The following ARHGEF7 variants were observed in gnomAD, a reference collection of about 807,000 sequenced individuals.
ARHGEF7 encodes Rho guanine nucleotide exchange factor 7.
Under a neutral mutation model 109.8 loss-of-function variants are expected in ARHGEF7, and 33 were observed. That is an observed-to-expected ratio of 0.30 (90% CI 0.23 to 0.40). The LOEUF (loss-of-function observed/expected upper bound fraction) is 0.40. Ranked by LOEUF, ARHGEF7 falls within the 10% of genes least tolerant of loss-of-function variation. The pLI is 1.00. For missense variants in ARHGEF7, 938 were observed against 1,098.5 expected, an observed-to-expected ratio of 0.85 and a Z score of 2.07; for synonymous variants, 458 against 424.6, an observed-to-expected ratio of 1.08 and a Z score of -0.97.
At chr13:111,165,747 G>C (rs1455487264) in intron 2 of ARHGEF7, among the ~76,000 whole-genome samples, 2 of 152,156 alleles carry the variant, frequency 1.3e-5, no homozygotes, top group African/African-American at 4.8e-5. Flanking sequence ...CACAAGAGAG[G>C]GATTCAGTGG....
In ARHGEF7 at chr13:111,285,068, C is replaced by T. The variant is rs1342723466; in HGVS notation, c.1951-1079C>T. Among the ~76,000 whole-genome samples, 3 of 152,298 alleles carry T rather than the reference C, an allele frequency of 2.0e-5. No individual in the cohort carries two copies. The East Asian group carries it at 5.8e-4, about 29-fold the overall frequency. On this transcript the variant is annotated intron_variant, in intron 16 of 21. Coordinates refer to ENST00000646102, the MANE Select transcript of ARHGEF7 (RefSeq NM_001354046.2). ...GCTATTTTAGATTCAGAGTTTGTTA[C>T]GTGGCTGTATTGGGTGATGCTGGGG...
At chr13:111,232,128 T>C (rs2086143419) in intron 5 of ARHGEF7, among the ~76,000 whole-genome samples, 1 of 152,028 alleles carries the variant, frequency 6.6e-6, no homozygotes. Context: ...GGAACTATGA[T>C]ATACACACAA....
chr13:111,205,006 C>G (rs1050377387), intron 2 of ARHGEF7, among the ~76,000 whole-genome samples: 1 of 152,194 alleles, frequency 6.6e-6, no homozygotes, highest in Admixed American at 6.5e-5. Context: ...CCCCCCACCC[C>G]GCCCCGCCCC....
intron 2 of ARHGEF7, among the ~76,000 whole-genome samples, chr13:111,174,266 T>A (rs1453447450): frequency 6.6e-6 from 1 of 152,268 alleles, no homozygotes; most frequent in Non-Finnish European, 1.5e-5. Flanking sequence ...TACTCTAAGA[T>A]CATTTACTGA....
rs537931348 is a variant in ARHGEF7, at chr13:111,293,363, C to A, written c.2311+1069C>A. 120 of 984,698 alleles carry A rather than the reference C, an allele frequency of 1.2e-4. No individual in the cohort carries two copies. In the African/African-American group the frequency reaches 2.0e-3, roughly 16 times the overall value. The allele number at this position is 984,698 out of a possible 1,614,324, so 61.0% of individuals were successfully genotyped here. ...TTTACAGCAACCCCATAGTATAAAACCACAATGCCTCATTGTAATGGGATA... is the reference window on the plus strand; with the variant it reads ...TTTACAGCAACCCCATAGTATAAAAACACAATGCCTCATTGTAATGGGATA... On this transcript the variant is annotated intron_variant, in intron 19 of 21. Transcript: ENST00000646102.
intron 19 of ARHGEF7, chr13:111,293,646 T>G: frequency 1.0e-6 from 1 of 985,418 alleles, no homozygotes; most frequent in Non-Finnish European, 1.2e-6. Context: ...AATGGAACCT[T>G]ACGGTTGTGT....
intron 5 of ARHGEF7, among the ~76,000 whole-genome samples, chr13:111,218,619 T>C (rs1405876660): frequency 3.3e-5 from 5 of 152,114 alleles, no homozygotes; most frequent in African/African-American, 4.8e-5. Context: ...GAATAGCTGA[T>C]ACACAGGGAG....
chr13:111,258,559 T>C lies in ARHGEF7; in HGVS notation c.951-8989T>C, dbSNP rs1238008859. 6.6e-6 allele frequency among the ~76,000 whole-genome samples: 1 copy of C among 152,160 alleles called. No homozygotes were observed. The highest frequency in any genetic ancestry group is 1.5e-5 in the Non-Finnish European group (1 of 68,020). On this transcript the variant is annotated intron_variant, in intron 8 of 21. Coordinates refer to ENST00000646102, the MANE Select transcript of ARHGEF7 (RefSeq NM_001354046.2). The surrounding 1 kb of genome is among the most constrained non-coding windows in gnomAD (Gnocchi z 4.4). ...CATCATCTGCTGACTAAAGAGTCCT[T>C]GGGCCCTGAGTAATCAGCAGTGGTA...
chr13:111,195,282 G>T (rs1250202731), intron 2 of ARHGEF7, among the ~76,000 whole-genome samples: 1 of 152,104 alleles, frequency 6.6e-6, no homozygotes, highest in Non-Finnish European at 1.5e-5. Flanking sequence ...TGGGTAACTT[G>T]TTCCCCATAT....
At chr13:111,234,089 C>T (rs1196523769) in intron 6 of ARHGEF7, among the ~76,000 whole-genome samples, 1 of 152,180 alleles carries the variant, frequency 6.6e-6, no homozygotes, top group East Asian at 1.9e-4. Context: ...TTTGTTATTT[C>T]TTCCCCTACT....
rs1254837259 is a variant in ARHGEF7 at position 111,131,849 on chromosome 13, T to C, written c.165+16158T>C. ...ACCCAGAGCCCACATACTGGAGCAATGCAGGCATGCCCAGGACTGAAGAGG... is the reference window on the plus strand; with the variant it reads ...ACCCAGAGCCCACATACTGGAGCAACGCAGGCATGCCCAGGACTGAAGAGG... On this transcript the variant is annotated intron_variant, in intron 1 of 21. Transcript: ENST00000646102. This position sits in a 1 kb window ranked among gnomAD's most constrained non-coding sequence, Gnocchi z 4.4. 1.3e-5 allele frequency among the ~76,000 whole-genome samples: 2 copies of C among 152,256 alleles called. No individual in the cohort carries two copies. Among genetic ancestry groups the C allele is most frequent in the Non-Finnish European group, 1.5e-5 (1 of 68,020 alleles).
chr13:111,203,363 A>G (rs1007783521), intron 2 of ARHGEF7, among the ~76,000 whole-genome samples: 1 of 152,234 alleles, frequency 6.6e-6, no homozygotes, highest in African/African-American at 2.4e-5. Context: ...ATGTCAGCCT[A>G]GATGCTGCTC....
At chr13:111,254,429 G>A (rs538571354) in intron 8 of ARHGEF7, among the ~76,000 whole-genome samples, 1 of 134,588 alleles carries the variant, frequency 7.4e-6, no homozygotes, top group Admixed American at 7.1e-5. Flanking sequence ...CATGAAGGCC[G>A]GGCTCAGAAG....
intron 1 of ARHGEF7, among the ~76,000 whole-genome samples, chr13:111,147,598 C>T (rs61966720): frequency 0.049 from 7,475 of 152,156 alleles, 217 homozygotes; most frequent in Middle Eastern, 0.068. Flanking sequence ...CTTTTTTACT[C>T]GCCATCCTTG....
At chr13:111,153,435 G>A (rs1484380143) in intron 1 of ARHGEF7, among the ~76,000 whole-genome samples, 1 of 152,060 alleles carries the variant, frequency 6.6e-6, no homozygotes, top group African/African-American at 2.4e-5. Flanking sequence ...GCGGGGCTAG[G>A]GTAGAGACCG....
intron 8 of ARHGEF7, among the ~76,000 whole-genome samples, chr13:111,256,310 C>G (rs1307350339): frequency 1.3e-5 from 2 of 152,206 alleles, no homozygotes; most frequent in African/African-American, 4.8e-5. Context: ...TAGGGAGGCA[C>G]AGTGATTGGA....
chr13:111,292,691 A>G (rs2093326856), intron 19 of ARHGEF7: 1 of 1,048,436 alleles, frequency 9.5e-7, no homozygotes, highest in South Asian at 3.5e-5. Flanking sequence ...GAAATCACAC[A>G]GGTTTGTGAT....
At chr13:111,142,333 G>A (rs2075384392) in intron 1 of ARHGEF7, among the ~76,000 whole-genome samples, 1 of 3,194 alleles carries the variant, frequency 3.1e-4, no homozygotes, top group South Asian at 7.7e-3. Context: ...GTTTTGAGTG[G>A]AGGAGTGACA....
chr13:111,274,661 C>A, intron 10 of ARHGEF7, 70 bp from the exon 11 acceptor site: 2 of 908,010 alleles, frequency 2.2e-6, no homozygotes, highest in South Asian at 4.1e-5. Context: ...TCAAGCTGGT[C>A]TGTAGAAAGT....
Sources: allele counts gnomAD v4.1 joint callset (sites outside exome capture counted in the v4.1 genomes callset), GRCh38; gene constraint gnomAD v4.1.1; non-coding constraint Gnocchi (gnomAD v3.1); transcripts MANE v1.5; gene names NCBI Gene and HGNC (gene_info 2026-07-23, HGNC 2026-07-21).